DMAC2: variants seen among roughly 807,000 people sequenced by gnomAD.
DMAC2 encodes distal membrane arm assembly component 2, also known as distal membrane-arm assembly complex protein 2.
In DMAC2, 32 loss-of-function variants were observed where a neutral mutation model predicts 29.6. The ratio of observed to expected loss-of-function variants is 1.08; its 90% CI spans 0.81 to 1.45. DMAC2 has a LOEUF of 1.45. Ranked by LOEUF, DMAC2 falls within the 40% of genes most tolerant of loss-of-function variation. The pLI, the probability that DMAC2 is intolerant of heterozygous loss-of-function variation, is 0.00. For missense variants in DMAC2, 319 were observed against 340.0 expected, an observed-to-expected ratio of 0.94 and a Z score of 0.49; for synonymous variants, 133 against 137.4, an observed-to-expected ratio of 0.97 and a Z score of 0.23.
At chr19:41,439,661 C>T in intron 1 of DMAC2, 1 of 1,345,964 alleles carries the variant, frequency 7.4e-7, no homozygotes, top group South Asian at 1.3e-5. Flanking sequence ...CAGCCAAGTC[C>T]CTGCCTCCTC....
intron 5 of DMAC2, chr19:41,432,783 CGTGTGTGTGTGTGTGTGTGTGT>C: frequency 3.3e-6 from 1 of 301,550 alleles, no homozygotes; most frequent in Non-Finnish European, 5.7e-6. Context: ...GGACAGCGTG[CGTGTGTGTGTGTGTGTGTGTGT>C]GTGTGTGTGT....
intron 3 of DMAC2, among the ~76,000 whole-genome samples, chr19:41,434,020 C>T (rs1202341690): frequency 1.3e-5 from 2 of 152,072 alleles, no homozygotes; most frequent in Non-Finnish European, 2.9e-5. Context: ...ACTACGAGGT[C>T]AGGAGATCGA....
Position 41,433,581 on chromosome 19 carries a change from T to G in DMAC2, c.389A>C (p.Asp130Ala). ...GTAGTTGATGTCACAGTCACCGGCA[T>G]CCACAGCTTCGACAGGCACTTCACA... ...NFCEVPVEAV[D>A]AGDCDINYEG... Residue 130 changes from aspartate to alanine, a missense_variant, in exon 4 of 6, where the codon GAT becomes GCT. By Grantham distance (126) the Asp-to-Ala change is moderately radical. Transcript: ENST00000221943. 1.4e-5 allele frequency: 23 copies of G among 1,614,140 alleles called. No individual in the cohort carries two copies. The highest frequency in any genetic ancestry group is 1.9e-5 in the Non-Finnish European group (22 of 1,180,016).
In DMAC2 at chr19:41,439,668, C is replaced by T. The variant is rs1162131492; in HGVS notation, c.18+214G>A. ...GATACTCTCAGCCAAGTCCCTGCCT[C>T]CTCTCGCTCGCTAAAGCGTCTCCTC... On this transcript the variant is annotated intron_variant, in intron 1 of 5. Coordinates refer to ENST00000221943, the MANE Select transcript of DMAC2 (RefSeq NM_018035.3). 5.2e-6 allele frequency: 7 copies of T among 1,338,080 alleles called. No homozygotes were observed. The East Asian group carries it at 1.3e-4, about 24-fold the overall frequency. 82.9% of individuals were successfully genotyped at this position (1,338,080 alleles called of 1,614,324 possible).
chr19:41,432,501 T>TGC (rs2039570602), intron 5 of DMAC2, 93 bp from the exon 6 acceptor site: 1 of 1,283,820 alleles, frequency 7.8e-7, no homozygotes, highest in African/African-American at 1.5e-5. Context: ...TGTGTGTGTG[T>TGC]GTATAGGCAG....
intron 3 of DMAC2, 83 bp from the exon 4 acceptor site, chr19:41,433,756 T>C: frequency 2.6e-6 from 4 of 1,553,788 alleles, no homozygotes; most frequent in Non-Finnish European, 3.5e-6. Context: ...CCCAGCCCTA[T>C]ATAATATGTA....
chr19:41,433,253 G>A lies in DMAC2; in HGVS notation c.596+19C>T. ...GAGAGGTGCCTGGGCATGTGGCCCA[G>A]CCTGAGCTGAGGTCTCACTGGAGGT... On this transcript the variant is annotated intron_variant, in intron 5 of 5. Transcript: ENST00000221943. The A allele has an allele frequency of 3.1e-6, 5 of 1,599,128 alleles. No individual in the cohort carries two copies. The highest frequency in any genetic ancestry group is 4.3e-6 in the Non-Finnish European group (5 of 1,174,738).
chr19:41,432,704 A>AGT (rs2039606697), intron 5 of DMAC2: 5 of 298,804 alleles, frequency 1.7e-5, no homozygotes, highest in African/African-American at 1.1e-4. Context: ...GTATAAGGAC[A>AGT]GCGTGTGTGT....
At position 41,436,408 on chromosome 19, in the gene DMAC2, G is replaced by A. The variant is rs1461509554; in HGVS notation, c.280C>T (p.Gln94Ter). The A allele has an allele frequency of 1.2e-6, 2 of 1,613,934 alleles. No individual in the cohort carries two copies. Among genetic ancestry groups the A allele is most frequent in the Non-Finnish European group, 1.7e-6 (2 of 1,179,836 alleles). The change falls in exon 3 of 6, where the codon CAG becomes TAG. Residue 94 changes from glutamine (Q) to a stop codon, truncating the protein, a stop_gained. Coordinates refer to ENST00000221943, the MANE Select transcript of DMAC2 (RefSeq NM_018035.3). LOFTEE classifies it high-confidence loss of function. ...CGGTCATACTTGACTGCGCCTCCCT[G>A]CTTCAGGATGAAAAAGGCACCTGCG... Reference protein sequence around the residue: ...YGAGAFFILKQGGAVKFRDKE... With the variant: ...YGAGAFFILK
At chr19:41,435,468 C>T (rs1474571696) in intron 3 of DMAC2, among the ~76,000 whole-genome samples, 2 of 152,264 alleles carry the variant, frequency 1.3e-5, no homozygotes, top group South Asian at 2.1e-4. Flanking sequence ...CAGGGTTTCA[C>T]CACGTTGGCT....
rs558962781 is a variant in DMAC2 at position 41,434,051 on chromosome 19, G to A, written c.297-378C>T. On this transcript the variant is annotated intron_variant, in intron 3 of 5. Transcript: ENST00000221943. ...ATCGAAACCATCCTGGCTAATACAC[G>A]GTGAAACCCCATCTCTACTAAAAAT... Among the ~76,000 whole-genome samples the A allele has an allele frequency of 3.1e-4, 47 of 151,936 alleles. 1 individual carries two copies. The highest frequency in any genetic ancestry group is 6.0e-4 in the Non-Finnish European group (41 of 67,970).
At position 41,436,378 on chromosome 19, in the gene DMAC2, C is replaced by T. The variant is rs2039864419; in HGVS notation, c.296+14G>A. 6.2e-7 allele frequency: 1 copy of T among 1,613,420 alleles called. No homozygotes were observed. ...CACCTGCCCCAGCCCGTTCTAACAC[C>T]TTAGCGGTCATACTTGACTGCGCCT... is the stretch of plus-strand genomic sequence containing the variant. On this transcript the variant is annotated intron_variant, in intron 3 of 5. Transcript: ENST00000221943.
intron 5 of DMAC2, 85 bp from the exon 6 acceptor site, chr19:41,432,493 T>C: frequency 4.5e-6 from 6 of 1,329,548 alleles, no homozygotes; most frequent in Non-Finnish European, 6.3e-6. Context: ...CGTGTGCGTG[T>C]GTGTGTGTGT....
At chr19:41,432,560 A>AGCGTGC (rs2039575708) in intron 5 of DMAC2, 152 bp from the exon 6 acceptor site, 1 of 602,682 alleles carries the variant, frequency 1.7e-6, no homozygotes, top group African/African-American at 2.4e-5. Context: ...GGTACAGGAC[A>AGCGTGC]GTGTGTGCGT....
intron 1 of DMAC2, 122 bp downstream of exon 1, chr19:41,439,760 C>T: frequency 6.6e-7 from 1 of 1,520,192 alleles, no homozygotes; most frequent in East Asian, 2.3e-5. Context: ...CAGTACGGGG[C>T]TTGCCAGGCT....
At chr19:41,436,586 AG>A (rs1555771258) in intron 2 of DMAC2, 114 bp from the exon 3 acceptor site, 1 of 848,184 alleles carries the variant, frequency 1.2e-6, no homozygotes. Flanking sequence ...AGACAGATTC[AG>A]TCAGGCTGAA....
At position 41,439,596 on chromosome 19, in the gene DMAC2, T is replaced by C. The variant is rs1555772421; in HGVS notation, c.18+286A>G. ...CTCCTTGTGTCATCCCTCCCTCTGA[T>C]TGGTTAGTCGCGTCGCTCTTCGGCA... On this transcript the variant is annotated intron_variant, in intron 1 of 5. Transcript: ENST00000221943. 6.6e-6 allele frequency: 10 copies of C among 1,517,242 alleles called. No individual in the cohort carries two copies. The African/African-American group carries it at 8.3e-5, about 13-fold the overall frequency. The allele number at this position is 1,517,242 out of a possible 1,614,324, so 94.0% of individuals were successfully genotyped here. A position where few individuals can be genotyped will look rare whatever the true frequency, so the allele number is the denominator to read the frequency against.
At chr19:41,434,252 A>C (rs2039738477) in intron 3 of DMAC2, among the ~76,000 whole-genome samples, 1 of 151,766 alleles carries the variant, frequency 6.6e-6, no homozygotes, top group African/African-American at 2.4e-5. Flanking sequence ...AAACAAAAAA[A>C]CAAAAATTAG....
At chr19:41,432,643 T>A in intron 5 of DMAC2, 1 of 460,712 alleles carries the variant, frequency 2.2e-6, no homozygotes. Context: ...TGTAGGGAGG[T>A]ACAGGACAGC....
Sources: allele counts gnomAD v4.1 joint callset (sites outside exome capture counted in the v4.1 genomes callset), GRCh38; gene constraint gnomAD v4.1.1; transcripts MANE v1.5; gene names NCBI Gene and HGNC (gene_info 2026-07-23, HGNC 2026-07-21).